DDAH1: variants seen among roughly 807,000 people sequenced by gnomAD.
DDAH1 encodes N(G),N(G)-dimethylarginine dimethylaminohydrolase 1.
In DDAH1, 19 loss-of-function variants were observed where a neutral mutation model predicts 28.8. The observed-to-expected ratio is 0.66, with a 90% CI of 0.46 to 0.97. The LOEUF is 0.97. DDAH1 is among the 50% of genes least tolerant of loss of function. DDAH1 has a pLI of 0.00. For synonymous variants in DDAH1, 153 were observed against 154.4 expected (o/e 0.99, Z 0.07); for missense variants, 326 against 375.9 (o/e 0.87, Z 1.10).
intron 4 of DDAH1, among the ~76,000 whole-genome samples, chr1:85,332,767 C>T (rs1340638362): frequency 6.6e-6 from 1 of 152,164 alleles, no homozygotes; most frequent in Non-Finnish European, 1.5e-5. Flanking sequence ...TGGGGGATTG[C>T]CTCACCTTGT....
chr1:85,572,150 T>C (rs996000022), intron 1 of DDAH1, among the ~76,000 whole-genome samples: 1 of 152,184 alleles, frequency 6.6e-6, no homozygotes, highest in Non-Finnish European at 1.5e-5. Flanking sequence ...GACACATCTC[T>C]TTCTTTTTTC....
At chr1:85,374,012 T>C (rs1213436018) in intron 1 of DDAH1, among the ~76,000 whole-genome samples, 1 of 152,122 alleles carries the variant, frequency 6.6e-6, no homozygotes, top group Non-Finnish European at 1.5e-5. Context: ...CTACCTACAA[T>C]TCCAGTAACC....
intron 4 of DDAH1, 116 bp downstream of exon 4, chr1:85,350,299 A>G (rs1570414907): frequency 3.0e-6 from 4 of 1,355,724 alleles, no homozygotes; most frequent in Middle Eastern, 2.6e-4. Flanking sequence ...AAGCTCAAAT[A>G]CCTGCCTGTT....
At chr1:85,484,342 T>TCTGA (rs1656119352) in intron 2 of DDAH1, among the ~76,000 whole-genome samples, 1 of 152,118 alleles carries the variant, frequency 6.6e-6, no homozygotes, top group African/African-American at 2.4e-5. Context: ...ATGTGTAATG[T>TCTGA]CTGAGCTCAT....
At chr1:85,456,251 G>A (rs1231433633) in intron 1 of DDAH1, among the ~76,000 whole-genome samples, 1 of 152,162 alleles carries the variant, frequency 6.6e-6, no homozygotes, top group East Asian at 1.9e-4. Flanking sequence ...CTCAGTTTAC[G>A]CTGCACTTGA....
At chr1:85,391,924 TG>T (rs1229792973) in intron 1 of DDAH1, among the ~76,000 whole-genome samples, 1 of 152,186 alleles carries the variant, frequency 6.6e-6, no homozygotes, top group East Asian at 1.9e-4. Flanking sequence ...GACAGGCCTT[TG>T]GGGGAAGCTC....
At chr1:85,546,480 G>A (rs1658630636) in intron 1 of DDAH1, among the ~76,000 whole-genome samples, 1 of 152,096 alleles carries the variant, frequency 6.6e-6, no homozygotes, top group South Asian at 2.1e-4. Flanking sequence ...AGCACAAAAT[G>A]AACTAAGACA....
At chr1:85,401,183 GAC>G (rs1263542995) in intron 1 of DDAH1, among the ~76,000 whole-genome samples, 1 of 152,134 alleles carries the variant, frequency 6.6e-6, no homozygotes, top group East Asian at 1.9e-4. Flanking sequence ...ACACTGCCTT[GAC>G]ACAGTCTAGC....
At chr1:85,443,515 T>A (rs895065472) in intron 1 of DDAH1, among the ~76,000 whole-genome samples, 7 of 152,200 alleles carry the variant, frequency 4.6e-5, no homozygotes, top group Non-Finnish European at 8.8e-5. Flanking sequence ...TGGGGGCTCT[T>A]TGTTGGTTCC....
chr1:85,577,948 G>C (rs891993831), intron 1 of DDAH1: 2 of 984,896 alleles, frequency 2.0e-6, no homozygotes, highest in East Asian at 1.1e-4. Context: ...ACTAGCAAAA[G>C]AGCCATACAG....
At chr1:85,490,228 G>A (rs1441102747) in intron 2 of DDAH1, among the ~76,000 whole-genome samples, 1 of 152,098 alleles carries the variant, frequency 6.6e-6, no homozygotes, top group Non-Finnish European at 1.5e-5. Flanking sequence ...AACAATTTGA[G>A]GTAAAAATAG....
At chr1:85,493,277 T>C (rs1656468187) in intron 2 of DDAH1, 1 of 152,160 alleles carries the variant, frequency 6.6e-6, no homozygotes, top group African/African-American at 2.4e-5. Flanking sequence ...ATGTGTTAAA[T>C]ATATTTTTGT....
chr1:85,562,157 A>T (rs1401027515), intron 1 of DDAH1, among the ~76,000 whole-genome samples: 2 of 152,176 alleles, frequency 1.3e-5, no homozygotes, highest in East Asian at 1.9e-4. Flanking sequence ...AGGCCAAAAA[A>T]TATACAATGG....
intron 1 of DDAH1, among the ~76,000 whole-genome samples, chr1:85,444,404 T>C (rs916572533): frequency 6.6e-6 from 1 of 152,232 alleles, no homozygotes. Flanking sequence ...GATGTGCTGC[T>C]GGATTTGGTT....
chr1:85,524,092 G>C (rs1463083109), intron 1 of DDAH1, among the ~76,000 whole-genome samples: 9 of 151,598 alleles, frequency 5.9e-5, no homozygotes, highest in African/African-American at 2.2e-4. Flanking sequence ...TCCCCAGCAA[G>C]TCACTGCTGG....
chr1:85,360,951 G>C (rs1325242793), intron 1 of DDAH1, among the ~76,000 whole-genome samples: 1 of 152,192 alleles, frequency 6.6e-6, no homozygotes, highest in Non-Finnish European at 1.5e-5. Flanking sequence ...ACAGTCATCA[G>C]GATAGGTCCA....
chr1:85,505,046 C>T (rs1314169934), intron 1 of DDAH1, among the ~76,000 whole-genome samples: 2 of 134,152 alleles, frequency 1.5e-5, no homozygotes, highest in African/African-American at 2.9e-5. Context: ...AGTGCAATGG[C>T]GTGATCTCGG....
At chr1:85,487,012 T>C (rs1656229082) in intron 2 of DDAH1, among the ~76,000 whole-genome samples, 1 of 152,190 alleles carries the variant, frequency 6.6e-6, no homozygotes, top group Non-Finnish European at 1.5e-5. Context: ...AGAAGGACAA[T>C]GTTCTGGGGC....
At chr1:85,403,322 A>G (rs1652246167) in intron 1 of DDAH1, among the ~76,000 whole-genome samples, 1 of 152,044 alleles carries the variant, frequency 6.6e-6, no homozygotes, top group Non-Finnish European at 1.5e-5. Context: ...GTAAAACAGA[A>G]TAGTTATATC....
Sources: gnomAD v4.1 joint callset for allele counts (sites outside exome capture counted in the v4.1 genomes callset) on GRCh38, gnomAD v4.1.1 for gene constraint, MANE v1.5 for transcripts, NCBI Gene and HGNC (gene_info 2026-07-23, HGNC 2026-07-21) for gene names.